Variants in MICAL3 observed in about 807,000 individuals in gnomAD.
The protein encoded by MICAL3 is [F-actin]-monooxygenase MICAL3.
A neutral mutation model predicts 207.4 loss-of-function variants in MICAL3; 62 were observed. That is an observed-to-expected ratio of 0.30 (90% CI 0.24 to 0.37). The LOEUF (loss-of-function observed/expected upper bound fraction) is 0.37, where lower values mean the gene tolerates loss of function less well. Among genes scored for constraint, MICAL3 ranks in the 10% least tolerant of loss-of-function variants. The pLI is 1.00. For synonymous variants in MICAL3, 1,077 were observed against 1,069.3 expected (o/e 1.01, Z -0.14); for missense variants, 2,368 against 2,635.6 (o/e 0.90, Z 2.22).
At chr22:17,875,516 C>A (rs909940318) in intron 16 of MICAL3, 4 of 1,554,862 alleles carry the variant, frequency 2.6e-6, no homozygotes, top group Non-Finnish European at 2.6e-6. Flanking sequence ...AAAGCTCCCA[C>A]TGGTCGACAA....
At chr22:17,983,586 A>G (rs1237759375) in intron 1 of MICAL3, 2 of 152,692 alleles carry the variant, frequency 1.3e-5, no homozygotes, top group African/African-American at 2.4e-5. Flanking sequence ...ACAAGGCTGA[A>G]GCTAAATCTG....
intron 1 of MICAL3, among the ~76,000 whole-genome samples, chr22:17,959,756 T>C (rs382983): frequency 0.61 from 91,874 of 151,762 alleles, 28,676 homozygotes; most frequent in Middle Eastern, 0.77. Flanking sequence ...GTTAGGGAAA[T>C]AGATAGCTCT....
chr22:17,857,428 C>T (rs1004379114), intron 19 of MICAL3, among the ~76,000 whole-genome samples: 7 of 152,222 alleles, frequency 4.6e-5, no homozygotes, highest in Admixed American at 1.3e-4. Flanking sequence ...CCACCCCAGT[C>T]TGTGAAAAAA....
Position 17,810,743 on chromosome 22 carries a change from T to C in MICAL3, c.5516A>G (p.Gln1839Arg), listed in dbSNP as rs1403449601. 1 of 1,614,000 alleles carries C rather than the reference T, an allele frequency of 6.2e-7. No individual in the cohort carries two copies. The highest frequency in any genetic ancestry group is 1.1e-5 in the South Asian group (1 of 91,086). Residue 1839 changes from glutamine (Q) to arginine (R), a missense_variant, in exon 28 of 32, where the codon CAG becomes CGG. This residue lies in a region of MICAL3 where 1,770 missense variants were observed against 1,863.2 expected (regional missense o/e 0.95). Coordinates refer to ENST00000441493, the MANE Select transcript of MICAL3 (RefSeq NM_015241.3). ...TRRVQKAARR[Q>R]AKQEELKRLH... Reference sequence around the variant, plus strand: ...CCGCTTAAGCTCCTCCTGCTTGGCCTGTCTCCGAGCTGCCTTTTGCACACG... The same window carrying C: ...CCGCTTAAGCTCCTCCTGCTTGGCCCGTCTCCGAGCTGCCTTTTGCACACG...
chr22:17,920,940 C>A (rs930776200), intron 1 of MICAL3, among the ~76,000 whole-genome samples: 2 of 152,130 alleles, frequency 1.3e-5, no homozygotes, highest in Non-Finnish European at 2.9e-5. Flanking sequence ...AGGGAAAAGC[C>A]AAGCTGGGAA....
At chr22:17,832,848 C>T (rs1425393822) in intron 20 of MICAL3, among the ~76,000 whole-genome samples, 6 of 152,160 alleles carry the variant, frequency 3.9e-5, no homozygotes, top group Non-Finnish European at 7.4e-5. Context: ...CCTTAGAACC[C>T]TACCACGTGC....
Position 17,902,805 on chromosome 22 carries a change from G to A in MICAL3, c.473-58C>T, listed in dbSNP as rs981837683. ...CACATGGAGAAGGGGGTACCCATCC[G>A]TGTCGCAGCTCAGGCTCCCACCCCG... On this transcript the variant is annotated intron_variant, in intron 3 of 31. Coordinates refer to ENST00000441493, the MANE Select transcript of MICAL3 (RefSeq NM_015241.3). The surrounding 1 kb of genome is among the most constrained non-coding windows in gnomAD (Gnocchi z 4.5). 4.8e-5 allele frequency: 52 copies of A among 1,090,336 alleles called. No homozygotes were observed. The highest frequency in any genetic ancestry group is 2.6e-4 in the East Asian group (10 of 38,020). 67.5% of individuals were successfully genotyped at this position (1,090,336 alleles called of 1,614,324 possible). A position where few individuals can be genotyped will look rare whatever the true frequency, so the allele number is the denominator to read the frequency against.
intron 1 of MICAL3, among the ~76,000 whole-genome samples, chr22:17,938,133 A>T (rs1332357390): frequency 1.3e-5 from 2 of 152,228 alleles, no homozygotes; most frequent in Non-Finnish European, 2.9e-5. Context: ...ACAACAATCC[A>T]GTAAGAACTC....
chr22:17,825,743 G>A (rs1922111623), intron 22 of MICAL3, among the ~76,000 whole-genome samples: 2 of 152,174 alleles, frequency 1.3e-5, no homozygotes, highest in African/African-American at 4.8e-5. Flanking sequence ...ATAGGTGGTG[G>A]AGGCTGCACG....
intron 1 of MICAL3, among the ~76,000 whole-genome samples, chr22:18,000,521 G>C (rs1178157947): frequency 6.6e-6 from 1 of 152,220 alleles, no homozygotes; most frequent in Non-Finnish European, 1.5e-5. Context: ...CTGAGCAAGC[G>C]GGGTGGCGGC....
intron 1 of MICAL3, among the ~76,000 whole-genome samples, chr22:17,960,233 C>T (rs1253837319): frequency 1.3e-5 from 2 of 151,982 alleles, no homozygotes; most frequent in Admixed American, 6.6e-5. Context: ...ACTGTTGCTA[C>T]GGGCTCCGTG....
At chr22:17,798,688 T>C (rs2145961242) in intron 29 of MICAL3, among the ~76,000 whole-genome samples, 1 of 151,004 alleles carries the variant, frequency 6.6e-6, no homozygotes, top group Non-Finnish European at 1.5e-5. Context: ...TTTTTTTTTT[T>C]TTTGAGACAG....
intron 26 of MICAL3, 46 bp from the exon 27 acceptor site, chr22:17,816,830 C>A (rs986354573): frequency 1.4e-5 from 19 of 1,381,690 alleles, no homozygotes; most frequent in Non-Finnish European, 1.9e-5. Flanking sequence ...AGACAGCAGG[C>A]GCAGCCCTCT....
At chr22:17,862,124 C>A in intron 19 of MICAL3, 1 of 985,396 alleles carries the variant, frequency 1.0e-6, no homozygotes, top group African/African-American at 1.7e-5. Context: ...GAGTTACACA[C>A]AAGAGAATCA....
Position 17,796,329 on chromosome 22 carries a change from C to T in MICAL3, c.5651-5028G>A, listed in dbSNP as rs1197632178. On this transcript the variant is annotated intron_variant, in intron 29 of 31. Transcript: ENST00000441493. This position sits in a 1 kb window ranked among gnomAD's most constrained non-coding sequence, Gnocchi z 4.4. ...GCAGGCAGTGCCTGTCACCAAATTT[C>T]AAAAAGCAACAGTACACCACCAGGG... is the stretch of plus-strand genomic sequence containing the variant. Among the ~76,000 whole-genome samples the T allele has an allele frequency of 6.6e-6, 1 of 152,214 alleles. No homozygotes were observed. The highest frequency in any genetic ancestry group is 2.4e-5 in the African/African-American group (1 of 41,454).
rs1438405852 is a variant in MICAL3, at chr22:17,904,830, T to A, written c.274A>T (p.Ile92Phe). ...CGGAGACCACAGGGGCCAGCCCCAA[T>A]GATGAGACACTGAAAAACACAGCTG... Reference protein sequence around the residue: ...KACTNTKCLIIGAGPCGLRTA... With the variant: ...KACTNTKCLIFGAGPCGLRTA... Residue 92 changes from isoleucine to phenylalanine, a missense_variant, in exon 3 of 32, where the codon ATT becomes TTT. Ile to Phe is a conservative substitution (Grantham distance 21, BLOSUM62 0). This residue lies in a region of MICAL3 where 400 missense variants were observed against 547.0 expected (regional missense o/e 0.73). Coordinates refer to ENST00000441493, the MANE Select transcript of MICAL3 (RefSeq NM_015241.3). 4 of 1,613,280 alleles carry A rather than the reference T, an allele frequency of 2.5e-6. No homozygotes were observed. The highest frequency in any genetic ancestry group is 3.4e-6 in the Non-Finnish European group (4 of 1,179,220).
intron 1 of MICAL3, among the ~76,000 whole-genome samples, chr22:17,916,674 C>G (rs559842789): frequency 5.3e-5 from 8 of 152,148 alleles, no homozygotes; most frequent in African/African-American, 1.7e-4. Context: ...TCTGCCCCCC[C>G]ACAACCCCAC....
intron 1 of MICAL3, among the ~76,000 whole-genome samples, chr22:17,945,650 A>G (rs1934030356): frequency 6.6e-6 from 1 of 152,098 alleles, no homozygotes; most frequent in African/African-American, 2.4e-5. Flanking sequence ...CAGTAAAGGC[A>G]GCGGGCCCCT....
intron 1 of MICAL3, among the ~76,000 whole-genome samples, chr22:18,020,613 T>TTAAAAA (rs1556566844): frequency 8.4e-6 from 1 of 119,758 alleles, no homozygotes; most frequent in African/African-American, 3.3e-5. Flanking sequence ...CTTTAAAAAG[T>TTAAAAA]AAAAAAAAAA....
Sources: gnomAD v4.1 joint callset for allele counts (sites outside exome capture counted in the v4.1 genomes callset) on GRCh38, gnomAD v4.1.1 for gene constraint, gnomAD v4.1.1 regional missense constraint, Gnocchi (gnomAD v3.1) non-coding constraint, MANE v1.5 for transcripts, NCBI Gene and HGNC (gene_info 2026-07-23, HGNC 2026-07-21) for gene names.